The following PIGM variants were observed in gnomAD, a reference collection of about 807,000 sequenced individuals.
PIGM encodes the protein phosphatidylinositol glycan anchor biosynthesis class M.
In PIGM, 7 loss-of-function variants were observed where a neutral mutation model predicts 14.6. The ratio of observed to expected loss-of-function variants is 0.48; its 90% CI spans 0.27 to 0.90. The LOEUF (loss-of-function observed/expected upper bound fraction) is 0.90. Among genes scored for constraint, PIGM ranks in the 40% least tolerant of loss-of-function variants. The probability of loss-of-function intolerance (pLI) is 0.12; values close to 1 mark genes in which losing one functional copy is unlikely to be tolerated. For missense variants in PIGM, 506 were observed against 516.2 expected (o/e 0.98, Z 0.19); for synonymous variants, 216 against 215.9 (o/e 1.00, Z 0.00).
chr1:160,029,063 A>T lies in PIGM; in HGVS notation c.*1405T>A, dbSNP rs1049754593. On this transcript the variant is annotated 3_prime_UTR_variant, in exon 1 of 1. Transcript: ENST00000368090. ...CTAACAAGTTGTTTTATCACCTAAA[A>T]TCTACTATTATCCATTTTTACAACA... is the stretch of plus-strand genomic sequence containing the variant. 3 of 152,286 alleles carry T rather than the reference A, an allele frequency of 2.0e-5. No individual in the cohort carries two copies. The highest frequency in any genetic ancestry group is 4.4e-5 in the Non-Finnish European group (3 of 68,024). The allele number at this position is 152,286 out of a possible 1,614,324, so 9.4% of individuals were successfully genotyped here.
rs373710821 is a variant in PIGM at position 160,031,362 on chromosome 1, G to A, written c.378C>T (p.Gly126=). The A allele has an allele frequency of 6.2e-7, 1 of 1,607,292 alleles. No homozygotes were observed. The highest frequency in any genetic ancestry group is 8.5e-7 in the Non-Finnish European group (1 of 1,175,420). ...LKGLGRRQAC[G]YCVFWLLNPL... Reference sequence around the variant, plus strand: ...GGTTAAGAAGCCAAAAGACACAGTAGCCACAAGCCTGGCGGCGCCCCAGCC... The same window carrying A: ...GGTTAAGAAGCCAAAAGACACAGTAACCACAAGCCTGGCGGCGCCCCAGCC... Residue 126 remains glycine (G), a synonymous_variant, in exon 1 of 1, where the codon GGC becomes GGT. Coordinates refer to ENST00000368090, the MANE Select transcript of PIGM (RefSeq NM_145167.3).
At position 160,030,252 on chromosome 1, in the gene PIGM, G is replaced by T. The variant is rs1571259903; in HGVS notation, c.*216C>A. On this transcript the variant is annotated 3_prime_UTR_variant, in exon 1 of 1. Transcript: ENST00000368090. ...AATATGTGACCTTTATTCCCACCAT[G>T]TCCCAAATAAACGAGTCCTAGGATT... is the stretch of plus-strand genomic sequence containing the variant. 1.9e-6 allele frequency: 1 copy of T among 517,618 alleles called. No homozygotes were observed. 32.1% of individuals were successfully genotyped at this position (517,618 alleles called of 1,614,324 possible).
rs751892216 is a variant in PIGM at position 160,030,895 on chromosome 1, G to A, written c.845C>T (p.Ala282Val). The change falls in exon 1 of 1, where the codon GCA (alanine) becomes GTA (valine). Residue 282 changes from alanine (A) to valine (V), a missense_variant. Ala to Val is a moderately conservative substitution (Grantham distance 64). Transcript: ENST00000368090. The stretch of plus-strand genomic sequence containing the variant: ...CAGGGAAAAACTCCACTTGCTCTCT[G>A]CAGTCAAATACAGCATGTAGAAGTA... Reference protein sequence around the residue: ...SPYFYMLYLTAESKWSFSLGI... With the variant: ...SPYFYMLYLTVESKWSFSLGI... The A allele has an allele frequency of 1.9e-6, 3 of 1,614,112 alleles. No homozygotes were observed. Among genetic ancestry groups the A allele is most frequent in the South Asian group, 1.1e-5 (1 of 91,090 alleles).
Position 160,030,769 on chromosome 1 carries a change from A to T in PIGM, c.971T>A (p.Phe324Tyr). Residue 324 changes from phenylalanine to tyrosine, a missense_variant, in exon 1 of 1, where the codon TTT (phenylalanine) becomes TAT (tyrosine). Phe to Tyr is a conservative substitution (Grantham distance 22, BLOSUM62 3). Transcript: ENST00000368090. ...GGTGCAGACTTTGTTAAAAGTCACA[A>T]AAATGGACGTATGAAGAAAACAACA... ...VFCCFLHTSI[F>Y]VTFNKVCTSQ... 6.2e-7 allele frequency: 1 copy of T among 1,614,236 alleles called. No homozygotes were observed. The highest frequency in any genetic ancestry group is 8.5e-7 in the Non-Finnish European group (1 of 1,180,026).
At position 160,031,307 on chromosome 1, in the gene PIGM, T is replaced by A. The variant is rs1648327287; in HGVS notation, c.433A>T (p.Asn145Tyr). Residue 145 changes from asparagine to tyrosine, a missense_variant, in exon 1 of 1, where the codon AAT (asparagine) becomes TAT (tyrosine). Coordinates refer to ENST00000368090, the MANE Select transcript of PIGM (RefSeq NM_145167.3). The stretch of plus-strand genomic sequence containing the variant: ...AGGGAGGCGACAATAGAGTCCGCAT[T>A]ACCGCGGCTGGATACTGCCATAGGC... Reference protein sequence around the residue: ...PLPMAVSSRGNADSIVASLVL... With the variant: ...PLPMAVSSRGYADSIVASLVL... 6.2e-7 allele frequency: 1 copy of A among 1,613,934 alleles called. No homozygotes were observed.
rs1648243961 is a variant in PIGM at position 160,028,978 on chromosome 1, C to G, written c.*1490G>C. 1 of 152,142 alleles carries G rather than the reference C, an allele frequency of 6.6e-6. No homozygotes were observed. The highest frequency in any genetic ancestry group is 1.5e-5 in the Non-Finnish European group (1 of 68,036). The allele number at this position is 152,142 out of a possible 1,614,324, so 9.4% of individuals were successfully genotyped here. A position where few individuals can be genotyped will look rare whatever the true frequency, so the allele number is the denominator to read the frequency against. ...TTATGCTTTTCAGGAGTTTCCCTCA[C>G]AGGTCTGCATTTCTATCATGGAATT... On this transcript the variant is annotated 3_prime_UTR_variant, in exon 1 of 1. Coordinates refer to ENST00000368090, the MANE Select transcript of PIGM (RefSeq NM_145167.3).
chr1:160,031,229 C>G lies in PIGM; in HGVS notation c.511G>C (p.Val171Leu). 3 of 1,614,148 alleles carry G rather than the reference C, an allele frequency of 1.9e-6. No homozygotes were observed. Among genetic ancestry groups the G allele is most frequent in the Non-Finnish European group, 2.5e-6 (3 of 1,180,038 alleles). ...ATATGCACCGCGAAACCATAGAATA[C>G]AGCTGCACACGCGACGAGTCTTTTC... ...IKKRLVACAA[V>L]FYGFAVHMKI... Residue 171 changes from valine (V) to leucine (L), a missense_variant, in exon 1 of 1, where the codon GTA becomes CTA. Val to Leu is a conservative substitution (Grantham distance 32). Coordinates refer to ENST00000368090, the MANE Select transcript of PIGM (RefSeq NM_145167.3).
Position 160,025,045 on chromosome 1 carries a change from T to C in PIGM, c.*5423A>G, listed in dbSNP as rs1648153906. On this transcript the variant is annotated 3_prime_UTR_variant, in exon 1 of 1. Transcript: ENST00000368090. ...CAAAGGTAGTCAAACATTTATTTTA[T>C]ATAAATATAATTTCCTTGCCTATAT... 6.6e-6 allele frequency: 1 copy of C among 152,242 alleles called. No individual in the cohort carries two copies. Among genetic ancestry groups the C allele is most frequent in the Non-Finnish European group, 1.5e-5 (1 of 68,048 alleles). 9.4% of individuals were successfully genotyped at this position (152,242 alleles called of 1,614,324 possible). A position where few individuals can be genotyped will look rare whatever the true frequency, so the allele number is the denominator to read the frequency against.
rs1648217331 is a variant in PIGM, at chr1:160,027,728, TAAG to T, written c.*2737_*2739del. 1 of 150,194 alleles carries T rather than the reference TAAG, an allele frequency of 6.7e-6. No individual in the cohort carries two copies. The highest frequency in any genetic ancestry group is 2.5e-5 in the African/African-American group (1 of 40,328). The allele number at this position is 150,194 out of a possible 1,614,324, so 9.3% of individuals were successfully genotyped here. A position where few individuals can be genotyped will look rare whatever the true frequency, so the allele number is the denominator to read the frequency against. ...TAAAAAGGAAACAAAAGGATTGTGA[TAAG>T]AAGCAAAAAAAAAACATTTTTTTTA... On this transcript the variant is annotated 3_prime_UTR_variant, in exon 1 of 1. Coordinates refer to ENST00000368090, the MANE Select transcript of PIGM (RefSeq NM_145167.3).
At position 160,031,971 on chromosome 1, in the gene PIGM, G is replaced by T; in HGVS notation, c.-232C>A. On this transcript the variant is annotated 5_prime_UTR_variant, in exon 1 of 1. Coordinates refer to ENST00000368090, the MANE Select transcript of PIGM (RefSeq NM_145167.3). ...CCGAGCCAAAAACTTGCCTTCCTCT[G>T]GATGGACGGTCTCGCTTCCGCTTCT... 1 of 624,676 alleles carries T rather than the reference G, an allele frequency of 1.6e-6. No homozygotes were observed. The highest frequency in any genetic ancestry group is 2.9e-6 in the Non-Finnish European group (1 of 339,066). 38.7% of individuals were successfully genotyped at this position (624,676 alleles called of 1,614,324 possible).
At position 160,027,185 on chromosome 1, in the gene PIGM, G is replaced by A. The variant is rs1648203126; in HGVS notation, c.*3283C>T. On this transcript the variant is annotated 3_prime_UTR_variant, in exon 1 of 1. Coordinates refer to ENST00000368090, the MANE Select transcript of PIGM (RefSeq NM_145167.3). Reference sequence around the variant, plus strand: ...GAGGTTGCATTTAGGGACAATCCTAGGTATAATTTTTCCATCTTTTTCCTT... The same window carrying A: ...GAGGTTGCATTTAGGGACAATCCTAAGTATAATTTTTCCATCTTTTTCCTT... 6.6e-6 allele frequency: 1 copy of A among 152,158 alleles called. No homozygotes were observed. Among genetic ancestry groups the A allele is most frequent in the South Asian group, 2.1e-4 (1 of 4,828 alleles). The allele number at this position is 152,158 out of a possible 1,614,324, so 9.4% of individuals were successfully genotyped here. A position where few individuals can be genotyped will look rare whatever the true frequency, so the allele number is the denominator to read the frequency against.
chr1:160,030,909 C>CA lies in PIGM; in HGVS notation c.830dup (p.Met277IlefsTer52). 2 of 1,614,200 alleles carry CA rather than the reference C, an allele frequency of 1.2e-6. No homozygotes were observed. Among genetic ancestry groups the CA allele is most frequent in the Non-Finnish European group, 1.7e-6 (2 of 1,180,030 alleles). ...ACTTGCTCTCTGCAGTCAAATACAG[C>CA]ATGTAGAAGTACGGAGAAAAGTTGT... On this transcript the variant is annotated frameshift_variant, in exon 1 of 1. Transcript: ENST00000368090. LOFTEE classifies it high-confidence loss of function.
Position 160,030,511 on chromosome 1 carries a change from T to A in PIGM, c.1229A>T (p.His410Leu), listed in dbSNP as rs779200417. 6.2e-7 allele frequency: 1 copy of A among 1,613,750 alleles called. No individual in the cohort carries two copies. Among genetic ancestry groups the A allele is most frequent in the South Asian group, 1.1e-5 (1 of 91,056 alleles). The change falls in exon 1 of 1, where the codon CAT becomes CTT. Residue 410 changes from histidine to leucine, a missense_variant. His to Leu is a moderately conservative substitution (Grantham distance 99, BLOSUM62 -3). Coordinates refer to ENST00000368090, the MANE Select transcript of PIGM (RefSeq NM_145167.3). Reference sequence around the variant, plus strand: ...CTCTGTCAGGGGTTCTTCTTTGTAATGGGAAATAATTTGAATCAGGATGGA... The same window carrying A: ...CTCTGTCAGGGGTTCTTCTTTGTAAAGGGAAATAATTTGAATCAGGATGGA... ...NCSILIQIIS[H>L]YKEEPLTERI...
rs1450795411 is a variant in PIGM, at chr1:160,028,527, G to C, written c.*1941C>G. On this transcript the variant is annotated 3_prime_UTR_variant, in exon 1 of 1. Transcript: ENST00000368090. ...TCTTTCTAATGAAAGGTCCCAAAAG[G>C]TATCCATCCAAGAAGTGCTGCCAAT... 6.6e-6 allele frequency: 1 copy of C among 152,064 alleles called. No homozygotes were observed. The highest frequency in any genetic ancestry group is 1.5e-5 in the Non-Finnish European group (1 of 68,020). 9.4% of individuals were successfully genotyped at this position (152,064 alleles called of 1,614,324 possible).
At position 160,030,545 on chromosome 1, in the gene PIGM, T is replaced by TA. The variant is rs1315768743; in HGVS notation, c.1194dup (p.Ile399TyrfsTer25). On this transcript the variant is annotated frameshift_variant, in exon 1 of 1. Coordinates refer to ENST00000368090, the MANE Select transcript of PIGM (RefSeq NM_145167.3). LOFTEE classifies it high-confidence loss of function. The stretch of plus-strand genomic sequence containing the variant: ...ATTTGAATCAGGATGGAACAATTGA[T>TA]AAGAAGAAAGAACAAACCAGCTAAC... 6 of 1,613,838 alleles carry TA rather than the reference T, an allele frequency of 3.7e-6. No individual in the cohort carries two copies. In the African/African-American group the frequency reaches 8.0e-5, roughly 22 times the overall value.
At position 160,027,898 on chromosome 1, in the gene PIGM, T is replaced by C. The variant is rs1175579126; in HGVS notation, c.*2570A>G. The C allele has an allele frequency of 1.3e-5, 2 of 152,186 alleles. No homozygotes were observed. Among genetic ancestry groups the C allele is most frequent in the Admixed American group, 6.5e-5 (1 of 15,280 alleles). The allele number at this position is 152,186 out of a possible 1,614,324, so 9.4% of individuals were successfully genotyped here. A position where few individuals can be genotyped will look rare whatever the true frequency, so the allele number is the denominator to read the frequency against. On this transcript the variant is annotated 3_prime_UTR_variant, in exon 1 of 1. Transcript: ENST00000368090. ...CCCTTTAAGAAACACCTGCCTTTCT[T>C]TGGTAAAGAATTTCTTGCAGGAAAG...
In PIGM at chr1:160,030,190, T is replaced by G. The variant is rs1336716731; in HGVS notation, c.*278A>C. On this transcript the variant is annotated 3_prime_UTR_variant, in exon 1 of 1. Coordinates refer to ENST00000368090, the MANE Select transcript of PIGM (RefSeq NM_145167.3). ...TATATTCCTCTATTTTAAGAATGTT[T>G]TAGTATCTGATAGTTTCATCAGCCT... 2.6e-6 allele frequency: 1 copy of G among 390,310 alleles called. No individual in the cohort carries two copies. Among genetic ancestry groups the G allele is most frequent in the African/African-American group, 2.1e-5 (1 of 48,686 alleles). 24.2% of individuals were successfully genotyped at this position (390,310 alleles called of 1,614,324 possible).
rs139936490 is a variant in PIGM, at chr1:160,031,618, C to T, written c.122G>A (p.Arg41Gln). The T allele has an allele frequency of 2.8e-5, 45 of 1,614,068 alleles. No homozygotes were observed. The African/African-American group carries it at 5.2e-4, about 19-fold the overall frequency. The stretch of plus-strand genomic sequence containing the variant: ...GTCCGTATACCTCACGTGCAGGGTC[C>T]GGTCCTGGAAGACGCCATAGAAAAC... ...ALVFYGVFQD[R>Q]TLHVRYTDID... is the part of the protein sequence containing the mutation. The change falls in exon 1 of 1, where the codon CGG (arginine) becomes CAG (glutamine). Residue 41 changes from arginine to glutamine, a missense_variant. Arg to Gln is a conservative substitution (Grantham distance 43). Transcript: ENST00000368090.
In PIGM at chr1:160,031,167, G is replaced by A; in HGVS notation, c.573C>T (p.Thr191=). ...TGTCGCGATCTGGAAGCAGGTGGAG[G>A]GTTATGGGAAGGATGTAAGTCACTG... ...IYPVTYILPI[T]LHLLPDRDND... The change falls in exon 1 of 1, where the codon ACC becomes ACT. Residue 191 remains threonine, a synonymous_variant. Transcript: ENST00000368090. The A allele has an allele frequency of 6.2e-7, 1 of 1,614,154 alleles. No individual in the cohort carries two copies. Among genetic ancestry groups the A allele is most frequent in the Non-Finnish European group, 8.5e-7 (1 of 1,180,006 alleles).
Sources: allele counts gnomAD v4.1 joint callset, GRCh38; gene constraint gnomAD v4.1.1; transcripts MANE v1.5; gene names NCBI Gene and HGNC (gene_info 2026-07-23, HGNC 2026-07-21).